Variants in SHANK1 observed in about 807,000 individuals in gnomAD.
The protein encoded by SHANK1 is SH3 and multiple ankyrin repeat domains 1.
Under a neutral mutation model 165.6 loss-of-function variants are expected in SHANK1, and 35 were observed. The observed-to-expected ratio is 0.21, with a 90% CI of 0.16 to 0.28. The LOEUF is 0.28. Ranked by LOEUF, SHANK1 falls within the 10% of genes least tolerant of loss-of-function variation. The pLI, the probability that SHANK1 is intolerant of heterozygous loss-of-function variation, is 1.00. For synonymous variants in SHANK1, 1,428 were observed against 1,384.8 expected (o/e 1.03, Z -0.69); for missense variants, 2,681 against 3,036.4 (o/e 0.88, Z 2.75).
chr19:50,689,420 T>C (rs1986470847), intron 15 of SHANK1, 141 bp from the exon 16 acceptor site: 1 of 731,250 alleles, frequency 1.4e-6, no homozygotes, highest in Non-Finnish European at 2.5e-6. Context: ...AGGATCTCTG[T>C]CACCCACTCT....
rs1366001556 is a variant in SHANK1 at position 50,719,534 on chromosome 19, C to T, written c.-172G>A. 7.7e-6 allele frequency: 1 copy of T among 129,254 alleles called. No homozygotes were observed. Among genetic ancestry groups the T allele is most frequent in the Non-Finnish European group, 1.7e-5 (1 of 58,884 alleles). 8.0% of individuals were successfully genotyped at this position (129,254 alleles called of 1,614,324 possible). On this transcript the variant is annotated 5_prime_UTR_variant, in exon 1 of 24. Coordinates refer to ENST00000293441, the MANE Select transcript of SHANK1 (RefSeq NM_016148.5). ...CACCGCCCCGGAGGGCGAGCGGGCC[C>T]GGGGAGGGGGCGGGCGGGGACCGGG...
At chr19:50,671,180 C>CTT (rs35076465) in intron 22 of SHANK1, among the ~76,000 whole-genome samples, 3,499 of 76,736 alleles carry the variant, frequency 0.046, 474 homozygotes, top group African/African-American at 0.052. Context: ...TTTTTTCACT[C>CTT]TTTTTTTTTT....
Position 50,661,084 on chromosome 19 carries a change from A to T in SHANK1, c.*881T>A, listed in dbSNP as rs547122341. On this transcript the variant is annotated 3_prime_UTR_variant, in exon 24 of 24. Coordinates refer to ENST00000293441, the MANE Select transcript of SHANK1 (RefSeq NM_016148.5). ...TGTCAGGAGGGGTGCATAAGATAGCAAGTGTGCAAGGGCTGAGCAAAGAGC... is the reference window on the plus strand; with the variant it reads ...TGTCAGGAGGGGTGCATAAGATAGCTAGTGTGCAAGGGCTGAGCAAAGAGC... 2.0e-5 allele frequency among the ~76,000 whole-genome samples: 3 copies of T among 152,090 alleles called. No homozygotes were observed. The South Asian group carries it at 6.2e-4, about 32-fold the overall frequency.
In SHANK1 at chr19:50,671,996, TCTC is replaced by T. The variant is rs781524369; in HGVS notation, c.2674+19_2674+21del. ...TTCCTGGCCTCCCCCAGCCCCCACA[TCTC>T]TTCTTCTGGGTGGCATACCGATAGA... On this transcript the variant is annotated intron_variant, in intron 22 of 23. Coordinates refer to ENST00000293441, the MANE Select transcript of SHANK1 (RefSeq NM_016148.5). 19 of 1,582,388 alleles carry T rather than the reference TCTC, an allele frequency of 1.2e-5. No individual in the cohort carries two copies. The highest frequency in any genetic ancestry group is 2.2e-5 in the East Asian group (1 of 44,606).
chr19:50,680,590 T>C (rs1024117707), intron 21 of SHANK1, among the ~76,000 whole-genome samples: 4 of 151,938 alleles, frequency 2.6e-5, no homozygotes, highest in African/African-American at 9.7e-5. Context: ...CTCTAGGTTA[T>C]ATGCAAAAGT....
At position 50,665,767 on chromosome 19, in the gene SHANK1, C is replaced by G. The variant is rs541725746; in HGVS notation, c.5768+425G>C. ...AAAAAAAAAAAGCCAGGCATGTTGG[C>G]TCATGCCTGTAATCCCAGCACTTTG... On this transcript the variant is annotated intron_variant, in intron 23 of 23. Coordinates refer to ENST00000293441, the MANE Select transcript of SHANK1 (RefSeq NM_016148.5). 2.4e-3 allele frequency among the ~76,000 whole-genome samples: 270 copies of G among 114,744 alleles called. 1 individual carries two copies. The highest frequency in any genetic ancestry group is 9.4e-3 in the African/African-American group (259 of 27,494). The allele number at this position is 114,744 out of a possible 152,430, so 75.3% of individuals were successfully genotyped here.
chr19:50,668,564 G>A lies in SHANK1; in HGVS notation c.3396C>T (p.Pro1132=), dbSNP rs1391477433. 1.5e-6 allele frequency: 2 copies of A among 1,341,572 alleles called. 1 individual carries two copies. The highest frequency in any genetic ancestry group is 1.9e-6 in the Non-Finnish European group (2 of 1,045,178). 83.1% of individuals were successfully genotyped at this position (1,341,572 alleles called of 1,614,324 possible). The change falls in exon 23 of 24, where the codon CCC becomes CCT. Residue 1132 remains proline, a synonymous_variant. Transcript: ENST00000293441. ...KGGGLPPAPS[P]TSPASPQPPP... ...GCGGCTGCGGGGAGGCCGGGGACGT[G>A]GGCGACGGCGCGGGCGGGAGGCCGC...
Position 50,716,981 on chromosome 19 carries a change from G to T in SHANK1, c.-43-19C>A, listed in dbSNP as rs995920622. 1.8e-4 allele frequency: 253 copies of T among 1,397,944 alleles called. No individual in the cohort carries two copies. The highest frequency in any genetic ancestry group is 2.3e-4 in the Non-Finnish European group (244 of 1,080,278). The allele number at this position is 1,397,944 out of a possible 1,614,324, so 86.6% of individuals were successfully genotyped here. On this transcript the variant is annotated intron_variant, in intron 1 of 23. Transcript: ENST00000293441. The surrounding 1 kb of genome is among the most constrained non-coding windows in gnomAD (Gnocchi z 8.4). ...CAGGCGGCTGCAGGGGCCAAGGGCG[G>T]CCATCAGACTAGGAGCCCGGGACCC... is the stretch of plus-strand genomic sequence containing the variant.
chr19:50,672,824 G>T (rs944045056), intron 21 of SHANK1, among the ~76,000 whole-genome samples: 1 of 152,014 alleles, frequency 6.6e-6, no homozygotes, highest in African/African-American at 2.4e-5. Context: ...AGAGTCAGAG[G>T]CATCTTTCAA....
chr19:50,686,957 G>T lies in SHANK1; in HGVS notation c.2390-145C>A. 1 of 1,353,986 alleles carries T rather than the reference G, an allele frequency of 7.4e-7. No individual in the cohort carries two copies. Among genetic ancestry groups the T allele is most frequent in the Non-Finnish European group, 9.8e-7 (1 of 1,025,004 alleles). The allele number at this position is 1,353,986 out of a possible 1,614,324, so 83.9% of individuals were successfully genotyped here. A position where few individuals can be genotyped will look rare whatever the true frequency, so the allele number is the denominator to read the frequency against. ...AGTGAGGGGCCGGGGTCAGGGAGGG[G>T]CGAGTCCGCCGGCGGGGTCGGGAGA... On this transcript the variant is annotated intron_variant, in intron 19 of 23. Coordinates refer to ENST00000293441, the MANE Select transcript of SHANK1 (RefSeq NM_016148.5). The surrounding 1 kb of genome is among the most constrained non-coding windows in gnomAD (Gnocchi z 5.7).
chr19:50,695,615 C>T (rs1986715315), intron 15 of SHANK1, among the ~76,000 whole-genome samples: 1 of 151,462 alleles, frequency 6.6e-6, no homozygotes, highest in Admixed American at 6.6e-5. Context: ...AGATGCCTCG[C>T]AGCCGCGTGC....
At chr19:50,671,212 G>A (rs979992407) in intron 22 of SHANK1, among the ~76,000 whole-genome samples, 1 of 117,612 alleles carries the variant, frequency 8.5e-6, no homozygotes, top group Non-Finnish European at 1.8e-5. Flanking sequence ...GAGACAGAGG[G>A]TTGCTCTGTC....
At chr19:50,691,348 C>G in intron 15 of SHANK1, among the ~76,000 whole-genome samples, 1 of 152,116 alleles carries the variant, frequency 6.6e-6, no homozygotes. Context: ...TCTTCCAGGT[C>G]TCCAAGGCCC....
At chr19:50,698,736 G>A (rs1180700141) in intron 12 of SHANK1, among the ~76,000 whole-genome samples, 2 of 152,190 alleles carry the variant, frequency 1.3e-5, no homozygotes, top group African/African-American at 4.8e-5. Flanking sequence ...AGGTTACAAG[G>A]CTAGTAACTG....
rs1222167615 is a variant in SHANK1 at position 50,697,064 on chromosome 19, A to T, written c.1964+32T>A. The T allele has an allele frequency of 1.3e-6, 2 of 1,557,776 alleles. No homozygotes were observed. Among genetic ancestry groups the T allele is most frequent in the East Asian group, 4.5e-5 (2 of 44,556 alleles). ...CAGGCACCCCGTCCTTCCCCTCCTG[A>T]CCCCATCCCCTCCCTGCCCCTCGCC... On this transcript the variant is annotated intron_variant, in intron 15 of 23. Transcript: ENST00000293441. This position sits in a 1 kb window ranked among gnomAD's most constrained non-coding sequence, Gnocchi z 4.7.
Position 50,688,144 on chromosome 19 carries a change from T to TTGG in SHANK1, c.2173-87_2173-86insCCA. On this transcript the variant is annotated intron_variant, in intron 17 of 23. Coordinates refer to ENST00000293441, the MANE Select transcript of SHANK1 (RefSeq NM_016148.5). This position sits in a 1 kb window ranked among gnomAD's most constrained non-coding sequence, Gnocchi z 6.7. ...CAGAGACCCCAAGGAGGATGCCTCC[T>TTGG]GCGCTGCCCTGTCCATGGCCCTCTG... 4 of 1,506,748 alleles carry TTGG rather than the reference T, an allele frequency of 2.7e-6. No homozygotes were observed. The highest frequency in any genetic ancestry group is 3.6e-6 in the Non-Finnish European group (4 of 1,099,544). The allele number at this position is 1,506,748 out of a possible 1,614,324, so 93.3% of individuals were successfully genotyped here. A position where few individuals can be genotyped will look rare whatever the true frequency, so the allele number is the denominator to read the frequency against.
chr19:50,687,798 A>G, intron 18 of SHANK1, 125 bp downstream of exon 18: 3 of 1,408,864 alleles, frequency 2.1e-6, no homozygotes, highest in Non-Finnish European at 2.9e-6. Flanking sequence ...GTTTCTCCCC[A>G]CAAGGGTCAC....
rs760250736 is a variant in SHANK1, at chr19:50,666,665, G to T, written c.5295C>A (p.Ser1765Arg). 4 of 1,588,254 alleles carry T rather than the reference G, an allele frequency of 2.5e-6. No individual in the cohort carries two copies. The highest frequency in any genetic ancestry group is 1.4e-5 in the African/African-American group (1 of 73,950). The part of the protein sequence containing the change: ...SKLRGRALGA[S>R]GGLRPGPSGG... ...CGCTGGGGCCAGGCCGCAGGCCTCC[G>T]CTGGCTCCTAGCGCCCGGCCCCGGA... Residue 1765 changes from serine (S) to arginine (R), a missense_variant, in exon 23 of 24, where the codon AGC becomes AGA. Ser to Arg is a moderately radical substitution (Grantham distance 110). Transcript: ENST00000293441.
rs370107244 is a variant in SHANK1 at position 50,688,990 on chromosome 19, C to T, written c.2048-22G>A. The T allele has an allele frequency of 2.0e-4, 252 of 1,280,034 alleles. No individual in the cohort carries two copies. Among genetic ancestry groups the T allele is most frequent in the Non-Finnish European group, 2.5e-4 (238 of 934,100 alleles). 79.3% of individuals were successfully genotyped at this position (1,280,034 alleles called of 1,614,324 possible). Reference sequence around the variant, plus strand: ...TGCGCTGCAGACAGGGAGGAGCCGGCGGGGTCGGAGGGGAGGGGGTGGAGA... The same window carrying T: ...TGCGCTGCAGACAGGGAGGAGCCGGTGGGGTCGGAGGGGAGGGGGTGGAGA... On this transcript the variant is annotated intron_variant, in intron 16 of 23. Transcript: ENST00000293441. This position sits in a 1 kb window ranked among gnomAD's most constrained non-coding sequence, Gnocchi z 6.7.
Sources: allele counts gnomAD v4.1 joint callset (sites outside exome capture counted in the v4.1 genomes callset), GRCh38; gene constraint gnomAD v4.1.1; non-coding constraint Gnocchi (gnomAD v3.1); transcripts MANE v1.5; gene names NCBI Gene and HGNC (gene_info 2026-07-23, HGNC 2026-07-21).